SLC2A1: variants seen among roughly 807,000 people sequenced by gnomAD.
SLC2A1 encodes solute carrier family 2 member 1, also known as solute carrier family 2, facilitated glucose transporter member 1.
SLC2A1 carries 4 observed loss-of-function variants against 46.6 expected under a neutral mutation model. The observed-to-expected ratio is 0.09, with a 90% confidence interval of 0.04 to 0.20. The LOEUF is 0.20. Among genes scored for constraint, SLC2A1 ranks in the 10% least tolerant of loss-of-function variants. The pLI is 1.00. For missense variants in SLC2A1, 352 were observed against 667.0 expected (o/e 0.53, Z 5.20); for synonymous variants, 253 against 270.0 (o/e 0.94, Z 0.62).
Position 42,930,798 on chromosome 1 carries a change from A to C in SLC2A1, c.344T>G (p.Leu115Arg). ...VSAVLMGFSK[L>R]GKSFEMLILG... Reference sequence around the variant, plus strand: ...GATCAGCATCTCAAAGGACTTGCCCAGTTTCGAGAAGCCCATGAGCACGGC... The same window carrying C: ...GATCAGCATCTCAAAGGACTTGCCCCGTTTCGAGAAGCCCATGAGCACGGC... Residue 115 changes from leucine (L) to arginine (R), a missense_variant, in exon 4 of 10, where the codon CTG becomes CGG. Around this residue, in one of 5 missense-constraint regions of SLC2A1, gnomAD observed 97 missense variants for 175.6 expected, o/e 0.55. Transcript: ENST00000426263. The surrounding 1 kb of genome is among the most constrained non-coding windows in gnomAD (Gnocchi z 6.2). The C allele has an allele frequency of 6.2e-7, 1 of 1,601,938 alleles. No individual in the cohort carries two copies. Among genetic ancestry groups the C allele is most frequent in the East Asian group, 2.2e-5 (1 of 44,878 alleles).
At chr1:42,933,279 CCCTA>C (rs1279123552) in intron 2 of SLC2A1, among the ~76,000 whole-genome samples, 1 of 152,196 alleles carries the variant, frequency 6.6e-6, no homozygotes, top group Non-Finnish European at 1.5e-5. Context: ...AATCCAATCT[CCCTA>C]CCTACCACAC....
rs1643753891 is a variant in SLC2A1 at position 42,954,452 on chromosome 1, G to C, written c.18+4182C>G. Among the ~76,000 whole-genome samples the C allele has an allele frequency of 6.6e-6, 1 of 152,230 alleles. No homozygotes were observed. The highest frequency in any genetic ancestry group is 2.1e-4 in the South Asian group (1 of 4,836). ...AGGCAGGAGAACCACTAGAACCTGG[G>C]AGGCGAAGGTTGTGGTGAGCTGAGA... is the stretch of plus-strand genomic sequence containing the variant. On this transcript the variant is annotated intron_variant, in intron 1 of 9. Transcript: ENST00000426263. The surrounding 1 kb of genome is among the most constrained non-coding windows in gnomAD (Gnocchi z 4.2).
intron 2 of SLC2A1, among the ~76,000 whole-genome samples, chr1:42,936,936 T>C (rs78925955): frequency 0.053 from 8,129 of 152,162 alleles, 304 homozygotes; most frequent in East Asian, 0.16. Flanking sequence ...TGGTACCCCA[T>C]AGGACATCTG....
chr1:42,939,952 CAAA>C (rs33944767), intron 2 of SLC2A1, among the ~76,000 whole-genome samples: 3,642 of 91,596 alleles, frequency 0.04, 153 homozygotes, highest in African/African-American at 0.12. Flanking sequence ...GACTCCGTCT[CAAA>C]AAAAAAAAAA....
At position 42,940,720 on chromosome 1, in the gene SLC2A1, T is replaced by A. The variant is rs184168847; in HGVS notation, c.114+2506A>T. On this transcript the variant is annotated intron_variant, in intron 2 of 9. Transcript: ENST00000426263. ...ACCTCAGCCTCCCAAAGTGCTGGGA[T>A]TACAGCGTGAGCCACATGCCCGGCC... Among the ~76,000 whole-genome samples the A allele has an allele frequency of 3.7e-3, 569 of 152,290 alleles. 2 individuals carry two copies. Among genetic ancestry groups the A allele is most frequent in the Non-Finnish European group, 4.8e-3 (327 of 68,022 alleles).
chr1:42,931,879 T>G (rs1213361529), intron 2 of SLC2A1, among the ~76,000 whole-genome samples: 3 of 150,086 alleles, frequency 2.0e-5, no homozygotes, highest in Non-Finnish European at 4.4e-5. Flanking sequence ...TCTTCCCACT[T>G]GCCCCTTTTC....
intron 2 of SLC2A1, among the ~76,000 whole-genome samples, chr1:42,936,774 G>A (rs952894201): frequency 2.0e-5 from 3 of 152,202 alleles, no homozygotes; most frequent in East Asian, 1.9e-4. Flanking sequence ...CAAGGCACAC[G>A]CAGTGACTCC....
intron 2 of SLC2A1, among the ~76,000 whole-genome samples, chr1:42,940,985 G>C (rs1032207423): frequency 3.9e-5 from 6 of 152,142 alleles, no homozygotes; most frequent in Non-Finnish European, 8.8e-5. Context: ...CATCACCCAT[G>C]CCAGAAACCT....
At position 42,926,668 on chromosome 1, in the gene SLC2A1, T is replaced by TTAGCTGGGTGAAGAAGGCAAG. The variant is rs1194441353; in HGVS notation, c.*352_*372dup. On this transcript the variant is annotated 3_prime_UTR_variant, in exon 10 of 10. Transcript: ENST00000426263. ...TAGGACATAGGTCCAGCCCTACAGA[T>TTAGCTGGGTGAAGAAGGCAAG]TAGCTGGGTGAAGAAGGCAAGTGTC... 1.5e-6 allele frequency: 2 copies of TTAGCTGGGTGAAGAAGGCAAG among 1,298,582 alleles called. No individual in the cohort carries two copies. Among genetic ancestry groups the TTAGCTGGGTGAAGAAGGCAAG allele is most frequent in the Admixed American group, 2.3e-5 (1 of 44,102 alleles). 80.4% of individuals were successfully genotyped at this position (1,298,582 alleles called of 1,614,324 possible). A position where few individuals can be genotyped will look rare whatever the true frequency, so the allele number is the denominator to read the frequency against.
chr1:42,930,486 A>T lies in SLC2A1; in HGVS notation c.516+140T>A, dbSNP rs776507330. ...GAGGCCATGGTGCTGTGTTCTCTGG[A>T]CCTGTGTACCATAGTTGTCCTCTGC... On this transcript the variant is annotated intron_variant, in intron 4 of 9. Coordinates refer to ENST00000426263, the MANE Select transcript of SLC2A1 (RefSeq NM_006516.4). This position sits in a 1 kb window ranked among gnomAD's most constrained non-coding sequence, Gnocchi z 6.2. The T allele has an allele frequency of 9.7e-6, 11 of 1,136,900 alleles. No homozygotes were observed. Among genetic ancestry groups the T allele is most frequent in the Non-Finnish European group, 1.4e-5 (11 of 768,944 alleles). The allele number at this position is 1,136,900 out of a possible 1,614,324, so 70.4% of individuals were successfully genotyped here. A position where few individuals can be genotyped will look rare whatever the true frequency, so the allele number is the denominator to read the frequency against.
At position 42,943,182 on chromosome 1, in the gene SLC2A1, A is replaced by T. The variant is rs574343890; in HGVS notation, c.114+44T>A. 6 of 1,297,520 alleles carry T rather than the reference A, an allele frequency of 4.6e-6. No homozygotes were observed. The East Asian group carries it at 1.4e-4, about 30-fold the overall frequency. 80.4% of individuals were successfully genotyped at this position (1,297,520 alleles called of 1,614,324 possible). A position where few individuals can be genotyped will look rare whatever the true frequency, so the allele number is the denominator to read the frequency against. On this transcript the variant is annotated intron_variant, in intron 2 of 9. Transcript: ENST00000426263. Reference sequence around the variant, plus strand: ...ACTGTGGGCATGTGTGATGTGCAACAGAGCAGGCTGGTGTCCATAAGCCAA... The same window carrying T: ...ACTGTGGGCATGTGTGATGTGCAACTGAGCAGGCTGGTGTCCATAAGCCAA...
chr1:42,936,709 G>A (rs1399383933), intron 2 of SLC2A1, among the ~76,000 whole-genome samples: 7 of 152,148 alleles, frequency 4.6e-5, no homozygotes, highest in African/African-American at 1.4e-4. Flanking sequence ...GGCCACACCC[G>A]AAGCCCTTCT....
intron 2 of SLC2A1, among the ~76,000 whole-genome samples, chr1:42,937,798 T>C (rs1570598044): frequency 1.3e-5 from 2 of 152,212 alleles, no homozygotes; most frequent in Admixed American, 1.3e-4. Context: ...GGACTAGAAC[T>C]CTTTGGATAT....
At chr1:42,946,158 G>A (rs1681859) in intron 1 of SLC2A1, among the ~76,000 whole-genome samples, 32,395 of 151,948 alleles carry the variant, frequency 0.21, 3,530 homozygotes, top group Middle Eastern at 0.26. Context: ...GCAGCTGCTC[G>A]ACTGTAGCCT....
chr1:42,956,114 T>C (rs1209589318), intron 1 of SLC2A1, among the ~76,000 whole-genome samples: 2 of 134,988 alleles, frequency 1.5e-5, no homozygotes, highest in Non-Finnish European at 3.3e-5. Context: ...AAGGGCTTTA[T>C]TCCAGAATGT....
At chr1:42,941,233 C>T (rs756937839) in intron 2 of SLC2A1, among the ~76,000 whole-genome samples, 6 of 152,188 alleles carry the variant, frequency 3.9e-5, no homozygotes, top group African/African-American at 7.2e-5. Flanking sequence ...CTATTGTCCT[C>T]ATCCTGAAGT....
In SLC2A1 at chr1:42,954,356, T is replaced by TA. The variant is rs750160907; in HGVS notation, c.18+4277dup. ...CAACATGAAGAAACCCCATCTCTAC[T>TA]AAAAAAAAATACAAAAAAATTAGCC... On this transcript the variant is annotated intron_variant, in intron 1 of 9. Transcript: ENST00000426263. The surrounding 1 kb of genome is among the most constrained non-coding windows in gnomAD (Gnocchi z 4.2). 2.4e-4 allele frequency among the ~76,000 whole-genome samples: 36 copies of TA among 150,790 alleles called. No homozygotes were observed. The highest frequency in any genetic ancestry group is 1.1e-3 in the South Asian group (5 of 4,738).
chr1:42,958,652 G>A lies in SLC2A1; in HGVS notation c.-1C>T, dbSNP rs1239925756. ...GACTCACCTTGCTGCTGGGCTCCAT[G>A]GCAGCGCTGCGCTGGTGGCTCTGGC... On this transcript the variant is annotated 5_prime_UTR_variant, in exon 1 of 10. Transcript: ENST00000426263. 1.3e-6 allele frequency: 2 copies of A among 1,534,512 alleles called. No homozygotes were observed. Among genetic ancestry groups the A allele is most frequent in the African/African-American group, 1.4e-5 (1 of 72,208 alleles).
At chr1:42,940,502 G>A (rs1181108161) in intron 2 of SLC2A1, among the ~76,000 whole-genome samples, 1 of 152,214 alleles carries the variant, frequency 6.6e-6, no homozygotes, top group Non-Finnish European at 1.5e-5. Flanking sequence ...TCTGTCTTGG[G>A]AGGGTATCCT....
Sources: gnomAD v4.1 joint callset for allele counts (sites outside exome capture counted in the v4.1 genomes callset) on GRCh38, gnomAD v4.1.1 for gene constraint, gnomAD v4.1.1 regional missense constraint, Gnocchi (gnomAD v3.1) non-coding constraint, MANE v1.5 for transcripts, NCBI Gene and HGNC (gene_info 2026-07-23, HGNC 2026-07-21) for gene names.